The following HERC6 variants were observed in gnomAD, a reference collection of about 807,000 sequenced individuals.
The protein encoded by HERC6 is HECT and RLD domain containing E3 ubiquitin protein ligase family member 6, also known as probable E3 ubiquitin-protein ligase HERC6.
In HERC6, 101 loss-of-function variants were observed where a neutral mutation model predicts 114.5. That is an observed-to-expected ratio of 0.88 (90% CI 0.75 to 1.04). The LOEUF (loss-of-function observed/expected upper bound fraction) is 1.04, where lower values mean the gene tolerates loss of function less well. Among genes scored for constraint, HERC6 ranks in the 50% least tolerant of loss-of-function variants. The probability of loss-of-function intolerance (pLI) is 0.00; values close to 1 mark genes in which losing one functional copy is unlikely to be tolerated. For missense variants in HERC6, 1,133 were observed against 1,230.9 expected, an observed-to-expected ratio of 0.92 and a Z score of 1.19; for synonymous variants, 408 against 436.2, an observed-to-expected ratio of 0.94 and a Z score of 0.81.
chr4:88,429,603 T>C (rs1272228245), intron 16 of HERC6, among the ~76,000 whole-genome samples: 3 of 152,172 alleles, frequency 2.0e-5, no homozygotes, highest in African/African-American at 4.8e-5. Context: ...TGACTAACTC[T>C]GTAGGTAAGA....
Position 88,379,625 on chromosome 4 carries a change from T to A in HERC6, c.199+505T>A, listed in dbSNP as rs545385666. Among the ~76,000 whole-genome samples, 464 of 128,356 alleles carry A rather than the reference T, an allele frequency of 3.6e-3. 8 individuals carry two copies. Among genetic ancestry groups the A allele is most frequent in the African/African-American group, 0.013 (414 of 33,080 alleles). 84.2% of individuals were successfully genotyped at this position (128,356 alleles called of 152,430 possible). A position where few individuals can be genotyped will look rare whatever the true frequency, so the allele number is the denominator to read the frequency against. ...AGAAATACACTGGGGCATTAAAAAA[T>A]ATATATATATAAAAATATATATATA... On this transcript the variant is annotated intron_variant, in intron 1 of 22. Transcript: ENST00000264346.
intron 15 of HERC6, among the ~76,000 whole-genome samples, chr4:88,425,000 T>C (rs1737456408): frequency 6.6e-6 from 1 of 152,252 alleles, no homozygotes; most frequent in Non-Finnish European, 1.5e-5. Flanking sequence ...TTTCATTGTT[T>C]CTCATTAACC....
At position 88,442,676 on chromosome 4, in the gene HERC6, CT is replaced by C; in HGVS notation, c.*218del. The C allele has an allele frequency of 1.7e-6, 1 of 574,382 alleles. No homozygotes were observed. 35.6% of individuals were successfully genotyped at this position (574,382 alleles called of 1,614,324 possible). A position where few individuals can be genotyped will look rare whatever the true frequency, so the allele number is the denominator to read the frequency against. The stretch of plus-strand genomic sequence containing the variant: ...TACAGAGATAGGGATCTAAGGATGA[CT>C]TGGACACACTCCCTGGCACTGAAGA... On this transcript the variant is annotated 3_prime_UTR_variant, in exon 23 of 23. Transcript: ENST00000264346.
rs746096981 is a variant in HERC6, at chr4:88,442,386, A to C, written c.2995A>C (p.Arg999=). ...CCTCCCTAAGTATTCTACAATGGAA[A>C]GAATGGAGGAAGCACTTCAAGTAGC... The part of the protein sequence containing the change: ...LSLPKYSTME[R]MEEALQVAIN... Residue 999 remains arginine (R), a synonymous_variant, in exon 23 of 23, where the codon AGA becomes CGA. Transcript: ENST00000264346. 5.6e-6 allele frequency: 9 copies of C among 1,613,946 alleles called. No individual in the cohort carries two copies. The highest frequency in any genetic ancestry group is 8.5e-7 in the Non-Finnish European group (1 of 1,179,990).
At chr4:88,415,581 G>A (rs542651199) in intron 12 of HERC6, among the ~76,000 whole-genome samples, 16 of 152,262 alleles carry the variant, frequency 1.1e-4, no homozygotes, top group African/African-American at 3.9e-4. Flanking sequence ...GAGAATATCG[G>A]TCTGCATACT....
intron 10 of HERC6, among the ~76,000 whole-genome samples, chr4:88,406,700 T>A (rs1014355035): frequency 6.6e-6 from 1 of 152,210 alleles, no homozygotes; most frequent in East Asian, 1.9e-4. Flanking sequence ...TTAGCCCTAA[T>A]GTTACTATAA....
At chr4:88,394,319 A>G (rs1167745130) in intron 5 of HERC6, among the ~76,000 whole-genome samples, 2 of 151,346 alleles carry the variant, frequency 1.3e-5, no homozygotes, top group Admixed American at 6.6e-5. Context: ...CTAAAAATAC[A>G]AAAATTAGCT....
At chr4:88,422,462 A>G (rs889107291) in intron 13 of HERC6, among the ~76,000 whole-genome samples, 1 of 152,106 alleles carries the variant, frequency 6.6e-6, no homozygotes, top group African/African-American at 2.4e-5. Context: ...TTCTATTTCT[A>G]GTTTGCTGAG....
rs753816482 is a variant in HERC6 at position 88,439,945 on chromosome 4, A to G, written c.2627A>G (p.Gln876Arg). Residue 876 changes from glutamine to arginine, a missense_variant, in exon 21 of 23, where the codon CAG becomes CGG. By Grantham distance (43) the Gln-to-Arg change is conservative. Transcript: ENST00000264346. ...VSVKAVYEEF[Q>R]RGFYRVCEKE... ...GTAAAAGCAGTTTATGAGGAATTTC[A>G]GAGAGGATTTTATAGAGTCTGTGAG... 1 of 1,608,796 alleles carries G rather than the reference A, an allele frequency of 6.2e-7. No homozygotes were observed. Among genetic ancestry groups the G allele is most frequent in the Non-Finnish European group, 8.5e-7 (1 of 1,178,124 alleles).
chr4:88,402,150 C>T, intron 8 of HERC6, among the ~76,000 whole-genome samples: 1 of 152,284 alleles, frequency 6.6e-6, no homozygotes, highest in Non-Finnish European at 1.5e-5. Flanking sequence ...GCAGGTTTTA[C>T]TCTAAAGGAG....
intron 8 of HERC6, 47 bp from the exon 9 acceptor site, chr4:88,404,829 G>T (rs1735736287): frequency 6.2e-7 from 1 of 1,604,282 alleles, no homozygotes; most frequent in African/African-American, 1.3e-5. Context: ...ATTTACTACT[G>T]AACGTGTGTG....
At chr4:88,442,186 T>G (rs1448023454) in intron 22 of HERC6, 48 bp from the exon 23 acceptor site, 2 of 1,327,764 alleles carry the variant, frequency 1.5e-6, no homozygotes, top group South Asian at 2.5e-5. Flanking sequence ...TTTCATTATG[T>G]TTTACTCTTT....
chr4:88,383,546 G>A (rs1471676549), intron 2 of HERC6, among the ~76,000 whole-genome samples, 166 bp downstream of exon 2: 1 of 151,940 alleles, frequency 6.6e-6, no homozygotes, highest in Admixed American at 6.6e-5. Context: ...ATCACTTGAG[G>A]TCAGGAATTT....
intron 13 of HERC6, among the ~76,000 whole-genome samples, chr4:88,417,813 C>T (rs1736637609): frequency 6.6e-6 from 1 of 151,980 alleles, no homozygotes; most frequent in Admixed American, 6.6e-5. Context: ...AGAAAAAGTA[C>T]ACTGTGCTTG....
intron 16 of HERC6, among the ~76,000 whole-genome samples, chr4:88,429,640 A>G (rs1737985421): frequency 6.6e-6 from 1 of 152,050 alleles, no homozygotes; most frequent in Non-Finnish European, 1.5e-5. Flanking sequence ...AAGGGAGTGG[A>G]TTTTCTCGAT....
At chr4:88,434,062 C>G (rs1388769319) in intron 17 of HERC6, among the ~76,000 whole-genome samples, 1 of 152,186 alleles carries the variant, frequency 6.6e-6, no homozygotes, top group Non-Finnish European at 1.5e-5. Flanking sequence ...TCCCTTTCCT[C>G]CTGAAACTCT....
At chr4:88,406,503 T>A (rs970351939) in intron 10 of HERC6, among the ~76,000 whole-genome samples, 1 of 152,232 alleles carries the variant, frequency 6.6e-6, no homozygotes, top group African/African-American at 2.4e-5. Flanking sequence ...TAACTTCACC[T>A]AAGGCTAATT....
chr4:88,379,084 C>A lies in HERC6; in HGVS notation c.163C>A (p.Leu55Met). The change falls in exon 1 of 23, where the codon CTG (leucine) becomes ATG (methionine). Residue 55 changes from leucine to methionine, a missense_variant. Physicochemically the swap from Leu to Met is conservative, Grantham distance 15. Around this residue, in one of 3 missense-constraint regions of HERC6, gnomAD observed 735 missense variants for 754.0 expected, o/e 0.97. Transcript: ENST00000264346. ...LSCGDNSRGQLGRRGAQRGEL... is the reference protein window; with the variant it reads ...LSCGDNSRGQMGRRGAQRGEL... ...GTGCGGAGACAACAGCAGGGGTCAG[C>A]TGGGCCGCAGGGGCGCGCAGCGCGG... is the stretch of plus-strand genomic sequence containing the variant. 1 of 1,548,642 alleles carries A rather than the reference C, an allele frequency of 6.5e-7. No individual in the cohort carries two copies. The highest frequency in any genetic ancestry group is 8.7e-7 in the Non-Finnish European group (1 of 1,147,954).
intron 8 of HERC6, among the ~76,000 whole-genome samples, chr4:88,399,942 G>T (rs1735447577): frequency 6.6e-6 from 1 of 152,296 alleles, no homozygotes; most frequent in East Asian, 1.9e-4. Context: ...GAGAAAGAAT[G>T]CTCAGAGCAG....
Sources: gnomAD v4.1 joint callset for allele counts (sites outside exome capture counted in the v4.1 genomes callset) on GRCh38, gnomAD v4.1.1 for gene constraint, gnomAD v4.1.1 regional missense constraint, MANE v1.5 for transcripts, NCBI Gene and HGNC (gene_info 2026-07-23, HGNC 2026-07-21) for gene names.